SQSTM1: variants seen among roughly 807,000 people sequenced by gnomAD.
SQSTM1 encodes sequestosome 1, also known as sequestosome-1.
SQSTM1 carries 36 observed loss-of-function variants against 45.1 expected under a neutral mutation model. That is an observed-to-expected ratio of 0.80 (90% CI 0.61 to 1.05). SQSTM1 has a LOEUF of 1.05. Among genes scored for constraint, SQSTM1 ranks in the 50% least tolerant of loss-of-function variants. The probability of loss-of-function intolerance (pLI) is 0.00; values close to 1 mark genes in which losing one functional copy is unlikely to be tolerated. For synonymous variants in SQSTM1, 290 were observed against 244.3 expected (o/e 1.19, Z -1.74); for missense variants, 617 against 607.1 (o/e 1.02, Z -0.17).
In SQSTM1 at chr5:179,833,350, C is replaced by G. The variant is rs778470019; in HGVS notation, c.969+104C>G. 1.4e-5 allele frequency: 17 copies of G among 1,172,638 alleles called. No individual in the cohort carries two copies. In the African/African-American group the frequency reaches 1.8e-4, roughly 13 times the overall value. The allele number at this position is 1,172,638 out of a possible 1,614,324, so 72.6% of individuals were successfully genotyped here. ...GCACCTCTGCAGCCCCACTTACAAA[C>G]CCGAGGGAGCTGCTGCTGCTGCAGT... On this transcript the variant is annotated intron_variant, in intron 6 of 7. Transcript: ENST00000389805.
chr5:179,808,064 C>G (rs368393305), intron 1 of SQSTM1: 2 of 152,310 alleles, frequency 1.3e-5, no homozygotes, highest in Non-Finnish European at 2.9e-5. Context: ...CAGCGCCTGG[C>G]CCGCTGCCGG....
chr5:179,825,040 T>G, intron 4 of SQSTM1, 106 bp from the exon 5 acceptor site: 1 of 1,151,830 alleles, frequency 8.7e-7, no homozygotes, highest in Non-Finnish European at 1.3e-6. Context: ...ATGTCCGGGT[T>G]AAAGGTCACC....
chr5:179,809,577 T>C (rs1757330662), intron 1 of SQSTM1, among the ~76,000 whole-genome samples: 1 of 147,708 alleles, frequency 6.8e-6, no homozygotes, highest in Non-Finnish European at 1.5e-5. Flanking sequence ...GACCTCGTGA[T>C]CCACCTGCTT....
chr5:179,811,038 C>T (rs1379148058), intron 1 of SQSTM1, among the ~76,000 whole-genome samples: 3 of 152,062 alleles, frequency 2.0e-5, no homozygotes, highest in African/African-American at 4.8e-5. Flanking sequence ...GTCAGGAGAC[C>T]GAGACCATCT....
chr5:179,821,259 T>A (rs1196259650), intron 1 of SQSTM1, 118 bp downstream of exon 1: 3 of 1,041,064 alleles, frequency 2.9e-6, no homozygotes, highest in Non-Finnish European at 3.9e-6. Context: ...GGGTCTGCGC[T>A]GGCTGCTCCC....
At chr5:179,833,892 G>C (rs1428030002) in intron 7 of SQSTM1, 110 bp downstream of exon 7, 1 of 1,257,698 alleles carries the variant, frequency 8.0e-7, no homozygotes, top group African/African-American at 1.5e-5. Context: ...CTCCACTGCA[G>C]GGCTGTCTGT....
chr5:179,826,327 G>A (rs1231280069), intron 5 of SQSTM1, among the ~76,000 whole-genome samples: 2 of 152,228 alleles, frequency 1.3e-5, no homozygotes, highest in East Asian at 3.9e-4. Context: ...ACCACGCCCA[G>A]CTAAGTTTTG....
upstream of SQSTM1, chr5:179,820,671 TG>T: frequency 4.9e-6 from 2 of 409,368 alleles, no homozygotes; most frequent in Non-Finnish European, 4.3e-6. Flanking sequence ...GCCGGTTTCC[TG>T]GGGTCCTTGG....
intron 1 of SQSTM1, among the ~76,000 whole-genome samples, chr5:179,809,121 T>C (rs1270209598): frequency 6.7e-6 from 1 of 148,930 alleles, no homozygotes; most frequent in Non-Finnish European, 1.5e-5. Flanking sequence ...CCTCCCAAAA[T>C]GCTGGGATTA....
rs774986849 is a variant in SQSTM1 at position 179,833,049 on chromosome 5, G to A, written c.772G>A (p.Asp258Asn). Residue 258 changes from aspartate to asparagine, a missense_variant, in exon 6 of 8, where the codon GAT (aspartate) becomes AAT (asparagine). Coordinates refer to ENST00000389805, the MANE Select transcript of SQSTM1 (RefSeq NM_003900.5). Reference protein sequence around the residue: ...LSPLGIEVDIDVEHGGKRSRL... With the variant: ...LSPLGIEVDINVEHGGKRSRL... ...GCCTCTAGGCATTGAAGTTGATATC[G>A]ATGTGGAGCACGGAGGGAAAAGAAG... The A allele has an allele frequency of 1.5e-5, 25 of 1,613,980 alleles. No individual in the cohort carries two copies. The highest frequency in any genetic ancestry group is 3.3e-5 in the Admixed American group (2 of 59,988).
At chr5:179,816,444 C>A (rs994669496), upstream of SQSTM1, among the ~76,000 whole-genome samples, 31 of 152,228 alleles carry the variant, frequency 2.0e-4, no homozygotes, top group African/African-American at 7.2e-4. Flanking sequence ...CCGCGCCTGG[C>A]CTCTTCCAGA....
intron 5 of SQSTM1, among the ~76,000 whole-genome samples, chr5:179,830,052 C>T (rs1255444803): frequency 7.9e-5 from 12 of 152,240 alleles, no homozygotes; most frequent in African/African-American, 2.4e-4. Context: ...GAGGGTGCAA[C>T]GAGCCTGGAT....
intron 2 of SQSTM1, 61 bp from the exon 3 acceptor site, chr5:179,823,797 C>T (rs1057359427): frequency 1.3e-5 from 20 of 1,554,036 alleles, no homozygotes; most frequent in African/African-American, 4.1e-5. Flanking sequence ...CCCACAGTGA[C>T]GACAGAGGGG....
Position 179,832,934 on chromosome 5 carries a change from G to A in SQSTM1, c.755-98G>A, listed in dbSNP as rs950434742. 4.0e-6 allele frequency: 5 copies of A among 1,240,182 alleles called. No individual in the cohort carries two copies. The Admixed American group carries it at 5.2e-5, about 13-fold the overall frequency. The allele number at this position is 1,240,182 out of a possible 1,614,324, so 76.8% of individuals were successfully genotyped here. On this transcript the variant is annotated intron_variant, in intron 5 of 7. Transcript: ENST00000389805. ...GCTGCTTGTGGGGACTGAACGTTGA[G>A]ATCTTCGTGAGTCTGTAGTCTCCAC...
intron 1 of SQSTM1, among the ~76,000 whole-genome samples, chr5:179,809,281 C>T (rs1757319410): frequency 1.3e-5 from 2 of 149,672 alleles, no homozygotes; most frequent in South Asian, 4.2e-4. Flanking sequence ...GCCTCAGCCT[C>T]CCGAGTAGCT....
At chr5:179,831,597 G>A (rs1049274912) in intron 5 of SQSTM1, among the ~76,000 whole-genome samples, 1 of 152,104 alleles carries the variant, frequency 6.6e-6, no homozygotes, top group Non-Finnish European at 1.5e-5. Flanking sequence ...GGTGGGCAGA[G>A]GCTGCAGTGA....
upstream of SQSTM1, among the ~76,000 whole-genome samples, chr5:179,818,500 G>A (rs59680418): frequency 6.6e-6 from 1 of 152,158 alleles, no homozygotes; most frequent in Non-Finnish European, 1.5e-5. Context: ...TATTTGGGAG[G>A]GGGGAAGGGG....
intron 7 of SQSTM1, among the ~76,000 whole-genome samples, chr5:179,834,850 A>G (rs1465700707): frequency 6.6e-6 from 1 of 152,008 alleles, no homozygotes; most frequent in Non-Finnish European, 1.5e-5. Context: ...TCTTTTCCCC[A>G]CCTTTCCCCG....
chr5:179,806,420 G>A lies in SQSTM1; in HGVS notation c.-328G>A, dbSNP rs985766901. On this transcript the variant is annotated 5_prime_UTR_variant, in exon 1 of 6. Transcript: ENST00000514093. The surrounding 1 kb of genome is among the most constrained non-coding windows in gnomAD (Gnocchi z 4.6). ...CTTCCGGCCGCCTTCCGCGGCCACC[G>A]CCGGGCCCGCTCCCGCCGCCGACGC... 19 of 1,031,532 alleles carry A rather than the reference G, an allele frequency of 1.8e-5. No homozygotes were observed. The highest frequency in any genetic ancestry group is 3.9e-5 in the South Asian group (1 of 25,444). The allele number at this position is 1,031,532 out of a possible 1,614,324, so 63.9% of individuals were successfully genotyped here. A position where few individuals can be genotyped will look rare whatever the true frequency, so the allele number is the denominator to read the frequency against.
Sources: allele counts gnomAD v4.1 joint callset (sites outside exome capture counted in the v4.1 genomes callset), GRCh38; gene constraint gnomAD v4.1.1; non-coding constraint Gnocchi (gnomAD v3.1); transcripts MANE v1.5; gene names NCBI Gene and HGNC (gene_info 2026-07-23, HGNC 2026-07-21).